SRGAP3: variants seen among roughly 807,000 people sequenced by gnomAD.
SRGAP3 encodes the protein SLIT-ROBO Rho GTPase-activating protein 3.
In SRGAP3, 39 loss-of-function variants were observed where a neutral mutation model predicts 121.1. The ratio of observed to expected loss-of-function variants is 0.32; its 90% CI spans 0.25 to 0.42. The LOEUF is 0.42. Ranked by LOEUF, SRGAP3 falls within the 10% of genes least tolerant of loss-of-function variation. The pLI, the probability that SRGAP3 is intolerant of heterozygous loss-of-function variation, is 1.00. For missense variants in SRGAP3, 1,213 were observed against 1,470.6 expected (o/e 0.82, Z 2.86); for synonymous variants, 601 against 570.0 (o/e 1.05, Z -0.77).
At chr3:9,319,277 C>A (rs561311424) in intron 3 of SRGAP3, among the ~76,000 whole-genome samples, 1 of 151,924 alleles carries the variant, frequency 6.6e-6, no homozygotes, top group East Asian at 1.9e-4. Flanking sequence ...TTCCTTTGTA[C>A]CTTAGCTTGT....
chr3:9,242,289 C>G (rs1953672903), intron 1 of SRGAP3, among the ~76,000 whole-genome samples: 1 of 152,096 alleles, frequency 6.6e-6, no homozygotes, highest in Admixed American at 6.5e-5. Flanking sequence ...TAAAAGCCAT[C>G]CGGGCTATGG....
chr3:9,191,956 G>T (rs139798712), intron 1 of SRGAP3, among the ~76,000 whole-genome samples: 1 of 152,118 alleles, frequency 6.6e-6, no homozygotes, highest in Non-Finnish European at 1.5e-5. Context: ...CACCATGATC[G>T]TAAGTTTCCT....
At chr3:9,202,500 A>G (rs1025436940) in intron 1 of SRGAP3, among the ~76,000 whole-genome samples, 4 of 152,216 alleles carry the variant, frequency 2.6e-5, no homozygotes, top group Non-Finnish European at 4.4e-5. Context: ...TCTGATGTTC[A>G]CTAGCCTGCC....
intron 1 of SRGAP3, among the ~76,000 whole-genome samples, chr3:9,164,276 T>TTATATTTATTTATTTA (rs1950703620): frequency 7.1e-6 from 1 of 140,772 alleles, no homozygotes. Flanking sequence ...ACCCAGACTA[T>TTATATTTATTTATTTA]TTTATTTATT....
chr3:9,339,183 T>C (rs1955740809), intron 1 of SRGAP3, among the ~76,000 whole-genome samples: 1 of 152,190 alleles, frequency 6.6e-6, no homozygotes, highest in South Asian at 2.1e-4. Context: ...CCCTGGGCCT[T>C]GGTTTTCTCA....
chr3:9,279,448 G>T (rs963531701), intron 3 of SRGAP3, among the ~76,000 whole-genome samples: 10 of 151,666 alleles, frequency 6.6e-5, no homozygotes, highest in Non-Finnish European at 1.5e-5. Context: ...AGGGCTCTCT[G>T]TCTGAGCAAA....
intron 18 of SRGAP3, among the ~76,000 whole-genome samples, chr3:8,995,534 AGGTATTC>A (rs1419486693): frequency 6.6e-6 from 1 of 152,110 alleles, no homozygotes; most frequent in Non-Finnish European, 1.5e-5. Context: ...GATACTCATG[AGGTATTC>A]GGTTGACAGC....
intron 3 of SRGAP3, among the ~76,000 whole-genome samples, chr3:9,103,985 T>G (rs1485089929): frequency 6.6e-6 from 1 of 152,182 alleles, no homozygotes; most frequent in Admixed American, 6.5e-5. Flanking sequence ...CCTAAGAAAG[T>G]AACAGCGAAT....
chr3:9,314,312 T>G (rs549182195), intron 3 of SRGAP3, among the ~76,000 whole-genome samples: 6 of 151,766 alleles, frequency 4.0e-5, no homozygotes, highest in East Asian at 2.0e-4. Context: ...TTCCAACACT[T>G]TGGGAAGCCA....
intron 1 of SRGAP3, among the ~76,000 whole-genome samples, chr3:9,140,477 G>T (rs150353806): frequency 1.6e-4 from 25 of 152,298 alleles, no homozygotes; most frequent in African/African-American, 6.0e-4. Context: ...TTTTGAGGTG[G>T]TAGGATTACA....
intron 1 of SRGAP3, among the ~76,000 whole-genome samples, chr3:9,207,953 C>T (rs1370291864): frequency 2.0e-5 from 3 of 152,298 alleles, no homozygotes; most frequent in Middle Eastern, 6.8e-3. Context: ...TGTCTCACTG[C>T]GGAGTCTGAG....
Position 8,990,500 on chromosome 3 carries a change from G to T in SRGAP3, c.2886+12C>A, listed in dbSNP as rs201050858. ...TTTTGGCTGCCCAGCCTGCCTTCCC[G>T]CTGGCCCTTACTTCTGCCAGGGCCT... On this transcript the variant is annotated intron_variant, in intron 21 of 21. Transcript: ENST00000383836. The T allele has an allele frequency of 1.3e-6, 2 of 1,551,208 alleles. No homozygotes were observed. The highest frequency in any genetic ancestry group is 2.4e-5 in the South Asian group (2 of 84,088).
At chr3:9,215,664 T>C (rs1027593998) in intron 1 of SRGAP3, among the ~76,000 whole-genome samples, 3 of 152,238 alleles carry the variant, frequency 2.0e-5, no homozygotes, top group Non-Finnish European at 4.4e-5. Flanking sequence ...GCTGAGGCCC[T>C]GAATAGAACA....
intron 1 of SRGAP3, among the ~76,000 whole-genome samples, chr3:9,362,537 T>C (rs1405114541): frequency 6.6e-6 from 1 of 151,866 alleles, no homozygotes; most frequent in Non-Finnish European, 1.5e-5. Flanking sequence ...CCCAGCACTT[T>C]AGGAGGGCTA....
intron 3 of SRGAP3, among the ~76,000 whole-genome samples, chr3:9,099,769 T>G (rs421392): frequency 6.6e-6 from 1 of 152,098 alleles, no homozygotes; most frequent in Non-Finnish European, 1.5e-5. Flanking sequence ...ACTGTGGGGC[T>G]GGGGCCCAGC....
At chr3:9,265,922 C>T (rs1017684764) in intron 3 of SRGAP3, among the ~76,000 whole-genome samples, 50 of 152,098 alleles carry the variant, frequency 3.3e-4, no homozygotes, top group African/African-American at 1.0e-3. Flanking sequence ...CACATGCACA[C>T]GTATATTTAT....
chr3:9,230,301 C>A (rs1953153548), intron 1 of SRGAP3, among the ~76,000 whole-genome samples: 1 of 152,204 alleles, frequency 6.6e-6, no homozygotes, highest in African/African-American at 2.4e-5. Flanking sequence ...GTTGCAAACC[C>A]TGGTCAGTTC....
At chr3:9,223,151 G>C (rs940028394) in intron 1 of SRGAP3, among the ~76,000 whole-genome samples, 2 of 152,194 alleles carry the variant, frequency 1.3e-5, no homozygotes, top group Non-Finnish European at 2.9e-5. Flanking sequence ...TACAGCCTAT[G>C]TTTGGAAATA....
intron 1 of SRGAP3, among the ~76,000 whole-genome samples, chr3:9,151,393 G>C (rs1447027410): frequency 6.6e-6 from 1 of 152,176 alleles, no homozygotes; most frequent in Non-Finnish European, 1.5e-5. Context: ...AGGCAGCCTG[G>C]AGCCAGACCA....
Sources: allele counts gnomAD v4.1 joint callset (sites outside exome capture counted in the v4.1 genomes callset), GRCh38; gene constraint gnomAD v4.1.1; transcripts MANE v1.5; gene names NCBI Gene and HGNC (gene_info 2026-07-23, HGNC 2026-07-21).